The following AP4E1 variants were observed in gnomAD, a reference collection of about 807,000 sequenced individuals.
The protein encoded by AP4E1 is AP-4 complex subunit epsilon-1.
A neutral mutation model predicts 128.2 loss-of-function variants in AP4E1; 56 were observed. The ratio of observed to expected loss-of-function variants is 0.44; its 90% CI spans 0.35 to 0.55. The LOEUF is 0.55. Ranked by LOEUF, AP4E1 falls within the 20% of genes least tolerant of loss-of-function variation. The pLI, the probability that AP4E1 is intolerant of heterozygous loss-of-function variation, is 0.00. For synonymous variants in AP4E1, 484 were observed against 473.1 expected (o/e 1.02, Z -0.30); for missense variants, 1,324 against 1,307.7 (o/e 1.01, Z -0.19).
intron 15 of AP4E1, among the ~76,000 whole-genome samples, chr15:50,981,026 C>G (rs1567253122): frequency 6.6e-6 from 1 of 152,186 alleles, no homozygotes; most frequent in Non-Finnish European, 1.5e-5. Context: ...AGCAGAAATA[C>G]AGGATCAGAG....
At chr15:50,953,041 A>C (rs562268785) in intron 13 of AP4E1, among the ~76,000 whole-genome samples, 70 of 152,192 alleles carry the variant, frequency 4.6e-4, no homozygotes, top group African/African-American at 1.3e-3. Context: ...ACAAAGTGAG[A>C]CCTAGTCTCT....
At chr15:50,944,882 G>A in intron 10 of AP4E1, 1 of 818,556 alleles carries the variant, frequency 1.2e-6, no homozygotes, top group East Asian at 2.4e-5. Flanking sequence ...GCTTGGCAAA[G>A]CATCCAAAGA....
chr15:50,931,471 TAGG>T (rs2063834912), intron 7 of AP4E1, among the ~76,000 whole-genome samples: 1 of 151,954 alleles, frequency 6.6e-6, no homozygotes, highest in Non-Finnish European at 1.5e-5. Flanking sequence ...GAGGCTGAGG[TAGG>T]AGAATCACTT....
chr15:50,932,524 C>A (rs899209120), intron 7 of AP4E1, among the ~76,000 whole-genome samples: 4 of 152,152 alleles, frequency 2.6e-5, no homozygotes, highest in African/African-American at 9.7e-5. Flanking sequence ...AGAGCAAGGA[C>A]CTTGGCTAGA....
chr15:50,997,265 GT>G, intron 17 of AP4E1, 60 bp from the exon 18 acceptor site: 1 of 1,401,204 alleles, frequency 7.1e-7, no homozygotes, highest in Non-Finnish European at 9.5e-7. Flanking sequence ...ATAGATGAAT[GT>G]TTAAAACTCA....
At chr15:50,933,402 C>A (rs2063861136) in intron 7 of AP4E1, among the ~76,000 whole-genome samples, 1 of 152,094 alleles carries the variant, frequency 6.6e-6, no homozygotes, top group South Asian at 2.1e-4. Flanking sequence ...TCTTTTATAT[C>A]TATTTGAATA....
chr15:50,931,899 T>C (rs2063840946), intron 7 of AP4E1, among the ~76,000 whole-genome samples: 1 of 152,172 alleles, frequency 6.6e-6, no homozygotes, highest in Non-Finnish European at 1.5e-5. Context: ...AATTCATTTA[T>C]CTGAATTATT....
At chr15:50,936,636 C>G (rs2063911649) in intron 8 of AP4E1, among the ~76,000 whole-genome samples, 1 of 152,144 alleles carries the variant, frequency 6.6e-6, no homozygotes, top group Admixed American at 6.5e-5. Context: ...CAGAATGACC[C>G]TTTTATTAAG....
At chr15:50,964,955 C>CCCCCCCCACACACACACACACACACACA in intron 14 of AP4E1, among the ~76,000 whole-genome samples, 1 of 131,460 alleles carries the variant, frequency 7.6e-6, no homozygotes, top group African/African-American at 3.0e-5. Flanking sequence ...CCTCCCCCTA[C>CCCCCCCCACACACACACACACACACACA]CACACACACA....
At position 51,005,155 on chromosome 15, in the gene AP4E1, G is replaced by C. The variant is rs1290236089; in HGVS notation, c.*2493G>C. On this transcript the variant is annotated 3_prime_UTR_variant, in exon 21 of 21. Transcript: ENST00000261842. ...CCCGCCTCAGCCTCCCAAAGTGCTG[G>C]GATTACAGGCGTGAGCCACTGCGCC... 1 of 152,290 alleles carries C rather than the reference G, an allele frequency of 6.6e-6. No individual in the cohort carries two copies. Among genetic ancestry groups the C allele is most frequent in the Non-Finnish European group, 1.5e-5 (1 of 68,106 alleles). 9.4% of individuals were successfully genotyped at this position (152,290 alleles called of 1,614,324 possible).
Position 50,993,600 on chromosome 15 carries a change from T to C in AP4E1, c.2321T>C (p.Leu774Pro), listed in dbSNP as rs1277908839. 1.2e-6 allele frequency: 2 copies of C among 1,613,886 alleles called. No homozygotes were observed. The highest frequency in any genetic ancestry group is 3.3e-5 in the Admixed American group (2 of 60,004). ...CTGGCATCATCATTATTTGTTGGTC[T>C]AGGATCAGAAAGTACAATCAACCTG... ...QLLASSLFVG[L>P]GSESTINLLG... Residue 774 changes from leucine (L) to proline (P), a missense_variant, in exon 17 of 21, where the codon CTA becomes CCA. Transcript: ENST00000261842.
chr15:50,983,931 A>G lies in AP4E1; in HGVS notation c.1967-91A>G, dbSNP rs2306335. On this transcript the variant is annotated intron_variant, in intron 15 of 20. Coordinates refer to ENST00000261842, the MANE Select transcript of AP4E1 (RefSeq NM_007347.5). The stretch of plus-strand genomic sequence containing the variant: ...GAGTTTAAAAATGGCTATTAGTTCC[A>G]GGCTTGAATTATTGTGGTAGTGAAT... 0.78 allele frequency: 1,052,680 copies of G among 1,348,626 alleles called. 413,193 individuals are homozygous for G. Among genetic ancestry groups the G allele is most frequent in the African/African-American group, 0.86 (59,596 of 69,268 alleles). The allele number at this position is 1,348,626 out of a possible 1,614,324, so 83.5% of individuals were successfully genotyped here.
At chr15:50,923,282 C>T (rs1373478073) in intron 3 of AP4E1, among the ~76,000 whole-genome samples, 1 of 152,050 alleles carries the variant, frequency 6.6e-6, no homozygotes, top group Non-Finnish European at 1.5e-5. Flanking sequence ...AATATATTTC[C>T]TCAATGTTAA....
chr15:50,961,773 GAAAT>G (rs1446051763), intron 14 of AP4E1, among the ~76,000 whole-genome samples: 9 of 151,948 alleles, frequency 5.9e-5, no homozygotes, highest in South Asian at 2.1e-4. Flanking sequence ...GCAAAAGAAA[GAAAT>G]AAAGGGATCT....
intron 5 of AP4E1, among the ~76,000 whole-genome samples, chr15:50,928,650 T>C (rs1262278165): frequency 6.6e-6 from 1 of 151,920 alleles, no homozygotes; most frequent in Non-Finnish European, 1.5e-5. Flanking sequence ...TGACTTTTTT[T>C]TTCAATTTTT....
chr15:50,947,896 GA>G (rs1454289675), intron 10 of AP4E1, 123 bp from the exon 11 acceptor site: 1 of 770,572 alleles, frequency 1.3e-6, no homozygotes, highest in Non-Finnish European at 2.0e-6. Flanking sequence ...CCTGTTAACT[GA>G]CTACCCAGTA....
At chr15:50,925,363 A>G (rs2063756034) in intron 5 of AP4E1, 144 bp downstream of exon 5, 1 of 891,216 alleles carries the variant, frequency 1.1e-6, no homozygotes, top group African/African-American at 1.7e-5. Context: ...CAATAGGATC[A>G]TCTTTATTTT....
intron 19 of AP4E1, among the ~76,000 whole-genome samples, chr15:51,000,421 G>A (rs958330114): frequency 2.0e-5 from 3 of 152,100 alleles, no homozygotes; most frequent in African/African-American, 7.2e-5. Context: ...GATTAGGGAC[G>A]AGGGCTACCA....
rs185040870 is a variant in AP4E1, at chr15:50,986,338, C to T, written c.2090+2193C>T. On this transcript the variant is annotated intron_variant, in intron 16 of 20. Transcript: ENST00000261842. ...TGATTGCCCTGGCCAGAACTTCCAA[C>T]ACTGTGTTGAATAGGAGTGGTGAGA... Among the ~76,000 whole-genome samples the T allele has an allele frequency of 1.1e-4, 17 of 152,270 alleles. No individual in the cohort carries two copies. In the East Asian group the frequency reaches 3.3e-3, roughly 29 times the overall value.
Sources: gnomAD v4.1 joint callset for allele counts (sites outside exome capture counted in the v4.1 genomes callset) on GRCh38, gnomAD v4.1.1 for gene constraint, MANE v1.5 for transcripts, NCBI Gene and HGNC (gene_info 2026-07-23, HGNC 2026-07-21) for gene names.